The following GRIK1 variants were observed in gnomAD, a reference collection of about 807,000 sequenced individuals.
The protein encoded by GRIK1 is glutamate receptor ionotropic, kainate 1.
A neutral mutation model predicts 105.7 loss-of-function variants in GRIK1; 69 were observed. That is an observed-to-expected ratio of 0.65 (90% CI 0.54 to 0.80). The LOEUF is 0.80. GRIK1 is among the 30% of genes least tolerant of loss of function. GRIK1 has a pLI of 0.00. For missense variants in GRIK1, 1,109 were observed against 1,167.3 expected (o/e 0.95, Z 0.73); for synonymous variants, 438 against 431.3 (o/e 1.02, Z -0.19).
intron 1 of GRIK1, among the ~76,000 whole-genome samples, chr21:29,896,093 C>T (rs762424210): frequency 2.0e-5 from 3 of 152,160 alleles, no homozygotes; most frequent in Non-Finnish European, 2.9e-5. Flanking sequence ...TATCCTATAG[C>T]TACAATAGAG....
At chr21:29,537,661 A>T in intron 17 of GRIK1, 137 bp downstream of exon 17, 2 of 751,484 alleles carry the variant, frequency 2.7e-6, no homozygotes, top group Non-Finnish European at 4.8e-6. Flanking sequence ...CAGGGCTCTC[A>T]AAATAGATAA....
intron 4 of GRIK1, among the ~76,000 whole-genome samples, chr21:29,656,046 TA>T (rs1335288032): frequency 4.6e-5 from 7 of 152,212 alleles, no homozygotes; most frequent in Non-Finnish European, 8.8e-5. Context: ...TTTTTATTTT[TA>T]TTTTTTTTGT....
intron 1 of GRIK1, among the ~76,000 whole-genome samples, chr21:29,795,028 A>ATTTTTT (rs66697777): frequency 5.9e-5 from 5 of 85,220 alleles, no homozygotes; most frequent in Admixed American, 1.7e-4. Flanking sequence ...TTTGCTCTAA[A>ATTTTTT]TTTTTTTTTT....
intron 1 of GRIK1, among the ~76,000 whole-genome samples, chr21:29,787,708 G>T (rs142863726): frequency 2.4e-3 from 365 of 152,286 alleles, no homozygotes; most frequent in African/African-American, 8.3e-3. Flanking sequence ...TTAGCCTATA[G>T]ACGCACCACG....
intron 1 of GRIK1, among the ~76,000 whole-genome samples, chr21:29,935,972 T>C (rs1489072289): frequency 1.3e-5 from 2 of 152,144 alleles, no homozygotes; most frequent in Non-Finnish European, 2.9e-5. Context: ...ATAAAACAAA[T>C]GTATCCAGAT....
chr21:29,924,196 G>A (rs550591137), intron 1 of GRIK1, among the ~76,000 whole-genome samples: 140 of 152,056 alleles, frequency 9.2e-4, no homozygotes, highest in African/African-American at 3.2e-3. Context: ...AAATTAGCCA[G>A]GCGTGGTGGC....
chr21:29,745,023 A>G (rs550323066), intron 1 of GRIK1, among the ~76,000 whole-genome samples: 2 of 152,142 alleles, frequency 1.3e-5, no homozygotes, highest in South Asian at 4.2e-4. Flanking sequence ...GGGGCTAGTA[A>G]CTTTCTCCTA....
intron 1 of GRIK1, among the ~76,000 whole-genome samples, chr21:29,779,355 T>C (rs542323291): frequency 6.7e-6 from 1 of 148,332 alleles, no homozygotes; most frequent in East Asian, 2.0e-4. Context: ...TGTGTGTGTG[T>C]GTGTGTGCAC....
intron 1 of GRIK1, among the ~76,000 whole-genome samples, chr21:29,735,714 T>C (rs1266602930): frequency 2.0e-5 from 3 of 151,936 alleles, no homozygotes; most frequent in Non-Finnish European, 4.4e-5. Flanking sequence ...CTGACCAATA[T>C]GGCAAAACCC....
At chr21:29,868,202 TC>T (rs2068893180) in intron 1 of GRIK1, among the ~76,000 whole-genome samples, 2 of 152,180 alleles carry the variant, frequency 1.3e-5, no homozygotes. Flanking sequence ...CCAGAATTTT[TC>T]CCCAGTGAAC....
At chr21:29,816,185 T>A (rs1172822649) in intron 1 of GRIK1, among the ~76,000 whole-genome samples, 43 of 152,032 alleles carry the variant, frequency 2.8e-4, no homozygotes, top group Admixed American at 2.7e-3. Flanking sequence ...CCAACAGGTA[T>A]ATGAAAAATA....
intron 12 of GRIK1, chr21:29,582,237 T>A (rs553748968): frequency 2.3e-6 from 1 of 435,302 alleles, no homozygotes; most frequent in African/African-American, 2.0e-5. Flanking sequence ...ACATTAGTAT[T>A]AACTACATAG....
chr21:29,797,936 T>C (rs1292423354), intron 1 of GRIK1, among the ~76,000 whole-genome samples: 1 of 152,230 alleles, frequency 6.6e-6, no homozygotes, highest in South Asian at 2.1e-4. Flanking sequence ...CTTTCTTCAG[T>C]GATGAAAAAC....
intron 3 of GRIK1, among the ~76,000 whole-genome samples, chr21:29,681,107 T>C (rs2063366201): frequency 1.3e-5 from 2 of 152,210 alleles, no homozygotes; most frequent in South Asian, 4.1e-4. Flanking sequence ...CACTCCAGCC[T>C]GGATGACAGA....
intron 16 of GRIK1, chr21:29,553,553 G>A (rs2090173317): frequency 2.6e-6 from 4 of 1,523,110 alleles, no homozygotes; most frequent in Non-Finnish European, 1.8e-6. Context: ...TTTTTAAACT[G>A]ATTACACAGT....
At chr21:29,617,485 C>G (rs2061880483) in intron 7 of GRIK1, among the ~76,000 whole-genome samples, 1 of 152,176 alleles carries the variant, frequency 6.6e-6, no homozygotes, top group Non-Finnish European at 1.5e-5. Flanking sequence ...TAAAGTGATG[C>G]TCTTAAAAGA....
At chr21:29,918,377 T>C (rs1024768565) in intron 1 of GRIK1, among the ~76,000 whole-genome samples, 5 of 152,024 alleles carry the variant, frequency 3.3e-5, no homozygotes, top group Non-Finnish European at 7.4e-5. Flanking sequence ...ACATAACCAA[T>C]CTCATTTTAC....
At chr21:29,791,765 G>A (rs970304508) in intron 1 of GRIK1, among the ~76,000 whole-genome samples, 2 of 152,120 alleles carry the variant, frequency 1.3e-5, no homozygotes, top group African/African-American at 4.8e-5. Flanking sequence ...AGGAGAGGAT[G>A]GAGATTACTG....
At chr21:29,640,216 G>A (rs1034298498) in intron 7 of GRIK1, among the ~76,000 whole-genome samples, 2 of 149,880 alleles carry the variant, frequency 1.3e-5, no homozygotes, top group Admixed American at 6.7e-5. Flanking sequence ...CTTATTTCAT[G>A]TTTCCTAATG....
Sources: allele counts gnomAD v4.1 joint callset (sites outside exome capture counted in the v4.1 genomes callset), GRCh38; gene constraint gnomAD v4.1.1; transcripts MANE v1.5; gene names NCBI Gene and HGNC (gene_info 2026-07-23, HGNC 2026-07-21).